The following ITIH3 variants were observed in gnomAD, a reference collection of about 807,000 sequenced individuals.
ITIH3 encodes the protein inter-alpha-trypsin inhibitor heavy chain 3, also known as inter-alpha-trypsin inhibitor heavy chain H3.
Under a neutral mutation model 96.5 loss-of-function variants are expected in ITIH3, and 81 were observed. The ratio of observed to expected loss-of-function variants is 0.84; its 90% CI spans 0.70 to 1.01. The LOEUF is 1.01. Ranked by LOEUF, ITIH3 falls within the 50% of genes least tolerant of loss-of-function variation. The pLI is 0.00. For synonymous variants in ITIH3, 422 were observed against 445.2 expected (o/e 0.95, Z 0.66); for missense variants, 1,057 against 1,139.3 (o/e 0.93, Z 1.04).
intron 19 of ITIH3, among the ~76,000 whole-genome samples, chr3:52,807,320 C>T (rs1239863121): frequency 1.3e-5 from 2 of 152,208 alleles, no homozygotes; most frequent in African/African-American, 4.8e-5. Context: ...GGTAGCTGCA[C>T]AGTTCAGCTG....
chr3:52,808,373 A>G (rs960053479), intron 21 of ITIH3, among the ~76,000 whole-genome samples, 152 bp downstream of exon 21: 5 of 152,198 alleles, frequency 3.3e-5, no homozygotes, highest in Admixed American at 6.5e-5. Context: ...GCTCTTGCTA[A>G]TCAAGAAAAA....
intron 13 of ITIH3, among the ~76,000 whole-genome samples, chr3:52,803,314 TTATTATTATTA>T (rs1256126609): frequency 3.5e-5 from 4 of 113,890 alleles, no homozygotes; most frequent in African/African-American, 1.3e-4. Flanking sequence ...TTATTTTATT[TTATTATTATTA>T]TTTTTTTTTT....
intron 14 of ITIH3, 26 bp downstream of exon 14, chr3:52,804,035 C>G (rs1578760141): frequency 6.2e-7 from 1 of 1,602,984 alleles, no homozygotes; most frequent in African/African-American, 1.3e-5. Context: ...GAGGCCGGAA[C>G]CCGGAGGCCT....
At position 52,794,816 on chromosome 3, in the gene ITIH3, T is replaced by C. The variant is rs546733679; in HGVS notation, c.13T>C (p.Trp5Arg). Reference protein sequence around the residue: MAFAWWPCLILALLS... With the variant: MAFARWPCLILALLS... The stretch of plus-strand genomic sequence containing the variant: ...TGAGTATTCAGCGATGGCATTTGCA[T>C]GGTGGCCCTGTCTCATCTTGGCTCT... The change falls in exon 1 of 22, where the codon TGG becomes CGG. Residue 5 changes from tryptophan (W) to arginine (R), a missense_variant. By Grantham distance (101) the Trp-to-Arg change is moderately radical (BLOSUM62 -3). Transcript: ENST00000449956. 6.2e-6 allele frequency: 10 copies of C among 1,613,946 alleles called. No homozygotes were observed. The East Asian group carries it at 2.0e-4, about 32-fold the overall frequency.
intron 11 of ITIH3, among the ~76,000 whole-genome samples, chr3:52,801,950 T>A (rs969834262): frequency 1.3e-5 from 2 of 152,220 alleles, no homozygotes; most frequent in Non-Finnish European, 2.9e-5. Context: ...ATTCCCTCCC[T>A]CCTCTGTCTC....
Position 52,799,107 on chromosome 3 carries a change from G to C in ITIH3, c.789+16G>C, listed in dbSNP as rs748382019. 1.9e-5 allele frequency: 31 copies of C among 1,612,652 alleles called. No homozygotes were observed. The highest frequency in any genetic ancestry group is 2.5e-5 in the Non-Finnish European group (30 of 1,179,388). ...CAACGTGCAGGTACCCGGGCTGGCT[G>C]ATTCATCATCAGGGTGGGGCGAGGG... On this transcript the variant is annotated intron_variant, in intron 7 of 21. Coordinates refer to ENST00000449956, the MANE Select transcript of ITIH3 (RefSeq NM_002217.4).
intron 12 of ITIH3, 68 bp from the exon 13 acceptor site, chr3:52,802,599 G>A (rs558720687): frequency 6.2e-7 from 1 of 1,611,264 alleles, no homozygotes; most frequent in Non-Finnish European, 8.5e-7. Flanking sequence ...GAGGGTCCAG[G>A]AGTGGTGGCC....
Position 52,803,919 on chromosome 3 carries a change from T to C in ITIH3, c.1774T>C (p.Tyr592His). ...TARALDLSLK[Y>H]HFVTPLTSMV... The stretch of plus-strand genomic sequence containing the variant: ...CCGGGCCCTGGACCTGTCCCTCAAG[T>C]ATCACTTTGTGACTCCACTGACCTC... Residue 592 changes from tyrosine to histidine, a missense_variant, in exon 14 of 22, where the codon TAT (tyrosine) becomes CAT (histidine). Tyr to His is a moderately conservative substitution (Grantham distance 83). Coordinates refer to ENST00000449956, the MANE Select transcript of ITIH3 (RefSeq NM_002217.4). 2 of 1,613,948 alleles carry C rather than the reference T, an allele frequency of 1.2e-6. No individual in the cohort carries two copies. Among genetic ancestry groups the C allele is most frequent in the Non-Finnish European group, 8.5e-7 (1 of 1,179,878 alleles).
At chr3:52,796,966 C>T (rs983622617) in intron 4 of ITIH3, 123 bp downstream of exon 4, 3 of 1,233,554 alleles carry the variant, frequency 2.4e-6, no homozygotes, top group Non-Finnish European at 3.4e-6. Context: ...TTGCCATTAT[C>T]CCACGTTGAG....
Position 52,799,085 on chromosome 3 carries a change from C to T in ITIH3, c.783C>T (p.Asn261=), listed in dbSNP as rs761256610. 7 of 1,613,332 alleles carry T rather than the reference C, an allele frequency of 4.3e-6. No individual in the cohort carries two copies. The highest frequency in any genetic ancestry group is 2.2e-5 in the East Asian group (1 of 44,876). ...ACGTGAACAGAGAATCTCCTGGCAACGTGCAGGTACCCGGGCTGGCTGATT... is the reference window on the plus strand; with the variant it reads ...ACGTGAACAGAGAATCTCCTGGCAATGTGCAGGTACCCGGGCTGGCTGATT... ...TYDVNRESPG[N]VQIVNGYFVH... The change falls in exon 7 of 22, where the codon AAC becomes AAT. Residue 261 remains asparagine (N), a synonymous_variant. Coordinates refer to ENST00000449956, the MANE Select transcript of ITIH3 (RefSeq NM_002217.4).
In ITIH3 at chr3:52,797,944, C is replaced by T; in HGVS notation, c.663+14C>T. On this transcript the variant is annotated intron_variant, in intron 6 of 21. Transcript: ENST00000449956. Reference sequence around the variant, plus strand: ...TCAGGGAAAAAGGTGATGTAGATGCCTCTCAGACCTGGTGGGGCAGGGGAC... The same window carrying T: ...TCAGGGAAAAAGGTGATGTAGATGCTTCTCAGACCTGGTGGGGCAGGGGAC... The T allele has an allele frequency of 6.8e-7, 1 of 1,478,292 alleles. No homozygotes were observed. The highest frequency in any genetic ancestry group is 1.4e-5 in the African/African-American group (1 of 72,102). 91.6% of individuals were successfully genotyped at this position (1,478,292 alleles called of 1,614,324 possible). A position where few individuals can be genotyped will look rare whatever the true frequency, so the allele number is the denominator to read the frequency against.
Position 52,796,762 on chromosome 3 carries a change from C to A in ITIH3, c.305C>A (p.Pro102His), listed in dbSNP as rs550195417. ...AGGACCATCGACGGTGTTACCTACCCTGGGAATGTCAAGGAGAAGGAAGTT... is the reference window on the plus strand; with the variant it reads ...AGGACCATCGACGGTGTTACCTACCATGGGAATGTCAAGGAGAAGGAAGTT... ...FTLTIDGVTY[P>H]GNVKEKEVAK... The change falls in exon 4 of 22, where the codon CCT (proline) becomes CAT (histidine). Residue 102 changes from proline (P) to histidine (H), a missense_variant. Physicochemically the swap from Pro to His is moderately conservative, Grantham distance 77 (BLOSUM62 -2). Transcript: ENST00000449956. 4 of 1,612,850 alleles carry A rather than the reference C, an allele frequency of 2.5e-6. No homozygotes were observed. Among genetic ancestry groups the A allele is most frequent in the Admixed American group, 1.7e-5 (1 of 59,886 alleles).
chr3:52,804,329 C>T, intron 14 of ITIH3: 1 of 437,486 alleles, frequency 2.3e-6, no homozygotes, highest in South Asian at 3.2e-5. Flanking sequence ...AGAAGCACTT[C>T]CAACATGAAA....
chr3:52,803,701 A>G (rs1010519962), intron 13 of ITIH3, among the ~76,000 whole-genome samples, 154 bp from the exon 14 acceptor site: 1 of 152,236 alleles, frequency 6.6e-6, no homozygotes, highest in Non-Finnish European at 1.5e-5. Flanking sequence ...GTTGTGAGCC[A>G]GTCTTCTCTG....
At position 52,806,216 on chromosome 3, in the gene ITIH3, G is replaced by T. The variant is rs964602934; in HGVS notation, c.1943-77G>T. On this transcript the variant is annotated intron_variant, in intron 17 of 21. Transcript: ENST00000449956. ...TGCCTGTCTCGGAGTCGAGCCCATGGAGGCCAGAAGGCTGGGGGAGGCCCC... is the reference window on the plus strand; with the variant it reads ...TGCCTGTCTCGGAGTCGAGCCCATGTAGGCCAGAAGGCTGGGGGAGGCCCC... 1.4e-4 allele frequency: 231 copies of T among 1,598,840 alleles called. No homozygotes were observed. In the African/African-American group the frequency reaches 2.8e-3, roughly 20 times the overall value.
In ITIH3 at chr3:52,807,041, C is replaced by T. The variant is rs762945263; in HGVS notation, c.2197C>T (p.Leu733=). ...QVEVTTEKIT[L]WNRAVPSTFS... ...GGAGGTGACAACGGAGAAGATCACC[C>T]TGTGGAACAGGGCCGTGCCGAGCAC... is the stretch of plus-strand genomic sequence containing the variant. The change falls in exon 19 of 22, where the codon CTG becomes TTG. Residue 733 remains leucine (L), a synonymous_variant. Transcript: ENST00000449956. 1 of 1,602,040 alleles carries T rather than the reference C, an allele frequency of 6.2e-7. No individual in the cohort carries two copies. Among genetic ancestry groups the T allele is most frequent in the Non-Finnish European group, 8.5e-7 (1 of 1,174,434 alleles).
At position 52,808,765 on chromosome 3, in the gene ITIH3, G is replaced by A. The variant is rs1411659941; in HGVS notation, c.*84G>A. ...GGGCACAGAGAGGGGCCTGTGGGAGGGGCTGGGAAAATAAAGTCCAAGGTC... is the reference window on the plus strand; with the variant it reads ...GGGCACAGAGAGGGGCCTGTGGGAGAGGCTGGGAAAATAAAGTCCAAGGTC... On this transcript the variant is annotated 3_prime_UTR_variant, in exon 22 of 22. Transcript: ENST00000449956. The A allele has an allele frequency of 4.6e-6, 7 of 1,534,264 alleles. No individual in the cohort carries two copies. Among genetic ancestry groups the A allele is most frequent in the African/African-American group, 1.4e-5 (1 of 73,376 alleles).
rs768008198 is a variant in ITIH3 at position 52,806,289 on chromosome 3, C to T, written c.1943-4C>T. 41 of 1,612,822 alleles carry T rather than the reference C, an allele frequency of 2.5e-5. No individual in the cohort carries two copies. The highest frequency in any genetic ancestry group is 3.4e-5 in the Non-Finnish European group (40 of 1,179,060). On this transcript the variant is annotated splice_region_variant and splice_polypyrimidine_tract_variant and intron_variant, in intron 17 of 21. Coordinates refer to ENST00000449956, the MANE Select transcript of ITIH3 (RefSeq NM_002217.4). ...AGTCAGCTCCTTCTCTAATGTGTCA[C>T]CAGTGGACGGGGATCCCCACTTCAT...
In ITIH3 at chr3:52,806,369, A is replaced by G. The variant is rs754777242; in HGVS notation, c.2019A>G (p.Pro673=). ...DALCFNIDEA[P]GTVLRLIQDA... ...TCTGCTTCAACATCGATGAAGCCCC[A>G]GGCACAGTGCTGCGCCTTATTCAGG... Residue 673 remains proline, a synonymous_variant, in exon 18 of 22, where the codon CCA becomes CCG. Transcript: ENST00000449956. 6.2e-7 allele frequency: 1 copy of G among 1,613,850 alleles called. No individual in the cohort carries two copies. The highest frequency in any genetic ancestry group is 8.5e-7 in the Non-Finnish European group (1 of 1,179,874).
Sources: allele counts gnomAD v4.1 joint callset (sites outside exome capture counted in the v4.1 genomes callset), GRCh38; gene constraint gnomAD v4.1.1; transcripts MANE v1.5; gene names NCBI Gene and HGNC (gene_info 2026-07-23, HGNC 2026-07-21).